The following CTNNA3 variants were observed in gnomAD, a reference collection of about 807,000 sequenced individuals.
CTNNA3 encodes the protein catenin alpha 3.
A neutral mutation model predicts 95.7 loss-of-function variants in CTNNA3; 76 were observed. That is an observed-to-expected ratio of 0.79 (90% CI 0.66 to 0.96). The LOEUF (loss-of-function observed/expected upper bound fraction) is 0.96, where lower values mean the gene tolerates loss of function less well. Ranked by LOEUF, CTNNA3 falls within the 40% of genes least tolerant of loss-of-function variation. CTNNA3 has a pLI of 0.00. For synonymous variants in CTNNA3, 431 were observed against 374.4 expected, an observed-to-expected ratio of 1.15 and a Z score of -1.74; for missense variants, 1,191 against 1,089.8, an observed-to-expected ratio of 1.09 and a Z score of -1.31.
At chr10:66,807,566 T>C (rs1841705419) in intron 7 of CTNNA3, among the ~76,000 whole-genome samples, 1 of 152,130 alleles carries the variant, frequency 6.6e-6, no homozygotes, top group Non-Finnish European at 1.5e-5. Flanking sequence ...GACTGTTACC[T>C]GACAAGCAAC....
intron 12 of CTNNA3, among the ~76,000 whole-genome samples, chr10:66,297,010 T>C (rs1447025589): frequency 1.3e-5 from 2 of 152,186 alleles, no homozygotes; most frequent in African/African-American, 4.8e-5. Flanking sequence ...TGAACATTGA[T>C]ACTTCACATT....
chr10:66,951,529 C>A (rs1178989032), intron 7 of CTNNA3, among the ~76,000 whole-genome samples: 1 of 152,090 alleles, frequency 6.6e-6, no homozygotes, highest in Non-Finnish European at 1.5e-5. Flanking sequence ...TACTCATATT[C>A]CGGATAGGGA....
At chr10:66,833,021 G>A (rs755318234) in intron 7 of CTNNA3, among the ~76,000 whole-genome samples, 6 of 152,126 alleles carry the variant, frequency 3.9e-5, no homozygotes, top group South Asian at 2.1e-4. Context: ...GAATTTGTGC[G>A]ATAGATTATT....
intron 11 of CTNNA3, among the ~76,000 whole-genome samples, chr10:66,431,975 G>A (rs997422391): frequency 1.3e-5 from 2 of 151,812 alleles, no homozygotes; most frequent in Non-Finnish European, 2.9e-5. Context: ...TATCCAGTTA[G>A]AGCAAGGATG....
At chr10:66,754,999 C>G (rs1003306699) in intron 9 of CTNNA3, among the ~76,000 whole-genome samples, 1 of 152,152 alleles carries the variant, frequency 6.6e-6, no homozygotes, top group Non-Finnish European at 1.5e-5. Context: ...TATCTACACA[C>G]AAACTTGCAT....
chr10:66,849,771 G>A (rs1843417875), intron 7 of CTNNA3, among the ~76,000 whole-genome samples: 1 of 152,120 alleles, frequency 6.6e-6, no homozygotes, highest in Admixed American at 6.6e-5. Context: ...CAGACTTCCG[G>A]CCTCCAAACT....
At chr10:67,721,122 T>C (rs1423245248) in intron 1 of CTNNA3, among the ~76,000 whole-genome samples, 1 of 152,002 alleles carries the variant, frequency 6.6e-6, no homozygotes, top group African/African-American at 2.4e-5. Flanking sequence ...CTGATGACTG[T>C]GTATTATGTG....
At position 66,889,243 on chromosome 10, in the gene CTNNA3, G is replaced by A. The variant is rs1440820225; in HGVS notation, c.1048-113719C>T. On this transcript the variant is annotated intron_variant, in intron 7 of 17. Coordinates refer to ENST00000433211, the MANE Select transcript of CTNNA3 (RefSeq NM_013266.4). ...GGGTAGGAGAGAGGGATGAATAGGT[G>A]GGACACAGAAGATTCTTAGAGCAGT... Among the ~76,000 whole-genome samples the A allele has an allele frequency of 2.0e-5, 3 of 152,136 alleles. No homozygotes were observed. In the East Asian group the frequency reaches 5.8e-4, roughly 29 times the overall value.
intron 5 of CTNNA3, among the ~76,000 whole-genome samples, chr10:67,471,440 T>A (rs1847824248): frequency 6.6e-6 from 1 of 152,250 alleles, no homozygotes; most frequent in Non-Finnish European, 1.5e-5. Context: ...TGGCTTAAAC[T>A]TCTGCTGAAG....
At chr10:67,642,033 A>C (rs57937514) in intron 2 of CTNNA3, among the ~76,000 whole-genome samples, 20,189 of 152,060 alleles carry the variant, frequency 0.13, 2,408 homozygotes, top group African/African-American at 0.32. Flanking sequence ...TAATTAAAAA[A>C]CCCAAGATGG....
intron 3 of CTNNA3, among the ~76,000 whole-genome samples, chr10:67,568,232 G>GT (rs61503691): frequency 0.31 from 44,469 of 145,174 alleles, 7,258 homozygotes; most frequent in South Asian, 0.44. Context: ...GCTACAGACT[G>GT]TTTTTTTTTT....
chr10:66,367,388 T>C (rs2092717344), intron 12 of CTNNA3, among the ~76,000 whole-genome samples: 2 of 152,058 alleles, frequency 1.3e-5, no homozygotes, highest in South Asian at 4.1e-4. Flanking sequence ...CTTTTCCAAA[T>C]GATCATTTAA....
intron 5 of CTNNA3, among the ~76,000 whole-genome samples, chr10:67,266,437 G>A (rs1039258146): frequency 2.6e-5 from 4 of 151,958 alleles, no homozygotes; most frequent in Non-Finnish European, 4.4e-5. Context: ...GCGAGCATGC[G>A]GTTGGCATTT....
chr10:67,597,953 G>T (rs1451012507), intron 3 of CTNNA3, among the ~76,000 whole-genome samples: 9 of 152,196 alleles, frequency 5.9e-5, no homozygotes, highest in Admixed American at 5.9e-4. Context: ...AGTTATGGTG[G>T]TGGCTACAGG....
rs2133089260 is a variant in CTNNA3, at chr10:65,914,756, AAAAGT to A, written c.*5569_*5573del. On this transcript the variant is annotated 3_prime_UTR_variant, in exon 18 of 18. Transcript: ENST00000433211. ...TTGAAGCTTTCTTCTCCATGGTAATAAAAGTAATTTGGCAAAGGTTGTCCTCTTAT... is the reference window on the plus strand; with the variant it reads ...TTGAAGCTTTCTTCTCCATGGTAATAAATTTGGCAAAGGTTGTCCTCTTAT... 6.6e-6 allele frequency: 1 copy of A among 152,312 alleles called. No individual in the cohort carries two copies. The highest frequency in any genetic ancestry group is 1.9e-4 in the East Asian group (1 of 5,192). The allele number at this position is 152,312 out of a possible 1,614,324, so 9.4% of individuals were successfully genotyped here.
chr10:66,733,897 C>A (rs1849045118), intron 9 of CTNNA3, among the ~76,000 whole-genome samples: 1 of 151,620 alleles, frequency 6.6e-6, no homozygotes, highest in Admixed American at 6.6e-5. Flanking sequence ...AAAACAATTT[C>A]TAAGAGTGCT....
chr10:66,360,250 C>T (rs569685481), intron 12 of CTNNA3, among the ~76,000 whole-genome samples: 6 of 151,908 alleles, frequency 3.9e-5, no homozygotes, highest in African/African-American at 1.4e-4. Context: ...TGTAGCTTTA[C>T]ATTATTCAAT....
intron 5 of CTNNA3, among the ~76,000 whole-genome samples, chr10:67,231,864 G>A (rs1271523421): frequency 6.6e-6 from 1 of 152,348 alleles, no homozygotes; most frequent in South Asian, 2.1e-4. Context: ...CGTGAAGAAT[G>A]CAGAAGCCTC....
At chr10:67,696,773 C>T (rs1227548393), upstream of CTNNA3, among the ~76,000 whole-genome samples, 1 of 144,056 alleles carries the variant, frequency 6.9e-6, no homozygotes, top group Non-Finnish European at 1.5e-5. Flanking sequence ...TTCTTTTTCA[C>T]ATTTCCTTTT....
Sources: allele counts gnomAD v4.1 joint callset (sites outside exome capture counted in the v4.1 genomes callset), GRCh38; gene constraint gnomAD v4.1.1; transcripts MANE v1.5; gene names NCBI Gene and HGNC (gene_info 2026-07-23, HGNC 2026-07-21).